IMMP1L: variants seen among roughly 807,000 people sequenced by gnomAD.
IMMP1L encodes inner mitochondrial membrane peptidase subunit 1.
IMMP1L carries 24 observed loss-of-function variants against 21.8 expected under a neutral mutation model. That is an observed-to-expected ratio of 1.10 (90% CI 0.80 to 1.55). IMMP1L has a LOEUF of 1.55. Ranked by LOEUF, IMMP1L falls within the 40% of genes most tolerant of loss-of-function variation. The pLI is 0.00. For synonymous variants in IMMP1L, 46 were observed against 62.8 expected (o/e 0.73, Z 1.26); for missense variants, 195 against 200.7 (o/e 0.97, Z 0.17).
intron 1 of IMMP1L, among the ~76,000 whole-genome samples, chr11:31,474,608 C>A (rs1340593999): frequency 6.6e-6 from 1 of 151,936 alleles, no homozygotes; most frequent in African/African-American, 2.4e-5. Flanking sequence ...TTACTTGAGC[C>A]CAGGAGGTTA....
chr11:31,437,165 G>T (rs1223080), intron 4 of IMMP1L: 21,190 of 450,200 alleles, frequency 0.047, 2,408 homozygotes, highest in African/African-American at 0.27. Context: ...CTAGAGACCA[G>T]AAGTGTTTCA....
At chr11:31,486,115 C>T (rs1360206655) in intron 1 of IMMP1L, among the ~76,000 whole-genome samples, 3 of 151,362 alleles carry the variant, frequency 2.0e-5, no homozygotes, top group African/African-American at 7.3e-5. Context: ...TATGCTAAGC[C>T]AGTTGTTAGT....
chr11:31,461,333 G>A (rs1954132224), intron 2 of IMMP1L, among the ~76,000 whole-genome samples: 1 of 152,140 alleles, frequency 6.6e-6, no homozygotes, highest in Non-Finnish European at 1.5e-5. Context: ...GCTCACACCT[G>A]TAATCCCAAA....
intron 4 of IMMP1L, among the ~76,000 whole-genome samples, chr11:31,439,959 CTT>C (rs1427819844): frequency 6.6e-6 from 1 of 152,172 alleles, no homozygotes; most frequent in African/African-American, 2.4e-5. Context: ...TCCTCAGTCT[CTT>C]TAAGTTTCAC....
intron 4 of IMMP1L, among the ~76,000 whole-genome samples, chr11:31,437,418 C>G (rs1953162118): frequency 1.3e-5 from 2 of 152,122 alleles, no homozygotes; most frequent in South Asian, 4.1e-4. Context: ...CACAGGCACT[C>G]AAAAAGCTTC....
chr11:31,478,952 T>A (rs1337203944), intron 1 of IMMP1L, among the ~76,000 whole-genome samples: 1 of 152,024 alleles, frequency 6.6e-6, no homozygotes, highest in Non-Finnish European at 1.5e-5. Context: ...ACAGAACATT[T>A]TAAATGTATA....
At chr11:31,463,968 C>A in intron 1 of IMMP1L, among the ~76,000 whole-genome samples, 1 of 151,892 alleles carries the variant, frequency 6.6e-6, no homozygotes. Flanking sequence ...TTTTTTAAAG[C>A]TATATAAAAT....
At chr11:31,463,841 A>T (rs1954237653) in intron 1 of IMMP1L, among the ~76,000 whole-genome samples, 1 of 152,166 alleles carries the variant, frequency 6.6e-6, no homozygotes, top group Non-Finnish European at 1.5e-5. Flanking sequence ...CAAATTCAGC[A>T]ATGTATGTCA....
intron 1 of IMMP1L, among the ~76,000 whole-genome samples, chr11:31,464,679 G>C (rs1954268254): frequency 6.6e-6 from 1 of 151,972 alleles, no homozygotes; most frequent in Admixed American, 6.6e-5. Flanking sequence ...ACAGAATGAA[G>C]AACAAAAACC....
chr11:31,499,191 G>A (rs1421235695), intron 1 of IMMP1L, among the ~76,000 whole-genome samples: 1 of 151,854 alleles, frequency 6.6e-6, no homozygotes, highest in Non-Finnish European at 1.5e-5. Flanking sequence ...GGTGAAACCC[G>A]GTCTCTACTA....
intron 1 of IMMP1L, among the ~76,000 whole-genome samples, chr11:31,467,423 C>T (rs182205153): frequency 1.1e-4 from 17 of 152,226 alleles, no homozygotes; most frequent in African/African-American, 4.1e-4. Flanking sequence ...TGCTCAAAGA[C>T]TGGTGCAAAC....
At chr11:31,503,187 G>GA (rs1450757997) in intron 1 of IMMP1L, among the ~76,000 whole-genome samples, 1 of 151,990 alleles carries the variant, frequency 6.6e-6, no homozygotes, top group African/African-American at 2.4e-5. Flanking sequence ...AGATCAAAGA[G>GA]AAAATCAAAA....
At chr11:31,458,112 C>G (rs1954007124) in intron 3 of IMMP1L, among the ~76,000 whole-genome samples, 1 of 152,038 alleles carries the variant, frequency 6.6e-6, no homozygotes, top group Non-Finnish European at 1.5e-5. Flanking sequence ...TTAAAACAAA[C>G]TTTGCACTCG....
intron 1 of IMMP1L, among the ~76,000 whole-genome samples, chr11:31,474,166 TC>T: frequency 6.6e-6 from 1 of 152,262 alleles, no homozygotes; most frequent in East Asian, 1.9e-4. Context: ...ATGTTCAAAG[TC>T]AAGAATACTT....
At position 31,491,786 on chromosome 11, in the gene IMMP1L, T is replaced by C. The variant is rs533466478; in HGVS notation, c.-30+17733A>G. ...CCAAATCAACCTTTTCAGCAGAAGC[T>C]AGAAACAGAGATGAGATTATCCAGG... On this transcript the variant is annotated intron_variant, in intron 1 of 5. Coordinates refer to ENST00000532287, the MANE Select transcript of IMMP1L (RefSeq NM_001304274.2). 2.6e-5 allele frequency among the ~76,000 whole-genome samples: 4 copies of C among 152,350 alleles called. No individual in the cohort carries two copies. The East Asian group carries it at 7.7e-4, about 29-fold the overall frequency.
At chr11:31,488,723 G>A (rs913435265) in intron 1 of IMMP1L, among the ~76,000 whole-genome samples, 4 of 152,056 alleles carry the variant, frequency 2.6e-5, no homozygotes, top group African/African-American at 9.7e-5. Flanking sequence ...TATAAGGAAT[G>A]TGTGTGATAC....
chr11:31,450,268 G>A (rs1418663426), intron 4 of IMMP1L, among the ~76,000 whole-genome samples: 2 of 152,122 alleles, frequency 1.3e-5, no homozygotes, highest in African/African-American at 4.8e-5. Flanking sequence ...TCATTAGTAG[G>A]CAATGAATGT....
At chr11:31,467,574 T>C (rs1954399465) in intron 1 of IMMP1L, among the ~76,000 whole-genome samples, 1 of 152,112 alleles carries the variant, frequency 6.6e-6, no homozygotes, top group African/African-American at 2.4e-5. Context: ...ACACATTAAA[T>C]TAAAAATGAA....
At chr11:31,503,001 G>C (rs935290081) in intron 1 of IMMP1L, among the ~76,000 whole-genome samples, 1 of 151,976 alleles carries the variant, frequency 6.6e-6, no homozygotes, top group East Asian at 1.9e-4. Context: ...CTATACAATG[G>C]CTTTTTAAGT....
Sources: allele counts gnomAD v4.1 joint callset (sites outside exome capture counted in the v4.1 genomes callset), GRCh38; gene constraint gnomAD v4.1.1; transcripts MANE v1.5; gene names NCBI Gene and HGNC (gene_info 2026-07-23, HGNC 2026-07-21).